SOX1: variants seen among roughly 807,000 people sequenced by gnomAD.
SOX1 encodes the protein transcription factor SOX-1.
SOX1 carries 1 observed loss-of-function variant against 0.9 expected under a neutral mutation model. The ratio of observed to expected loss-of-function variants is 1.07; its 90% CI spans 0.38 to 5.06. SOX1 has a LOEUF of 5.06. Among genes scored for constraint, SOX1 ranks in the 30% most tolerant of loss-of-function variants. SOX1 has a pLI of 0.16. For synonymous variants in SOX1, 397 were observed against 265.5 expected (o/e 1.50, Z -4.81); for missense variants, 564 against 534.4 (o/e 1.06, Z -0.55).
At position 112,067,703 on chromosome 13, in the gene SOX1, C is replaced by G; in HGVS notation, c.45C>G (p.Gly15=). Residue 15 remains glycine, a synonymous_variant, in exon 1 of 1, where the codon GGC becomes GGG. Coordinates refer to ENST00000330949, the MANE Select transcript of SOX1 (RefSeq NM_005986.3). This position sits in a 1 kb window ranked among gnomAD's most constrained non-coding sequence, Gnocchi z 5.1. ...AGACCGACCTGCACTCGCCCGGCGG[C>G]GCCCAGGCCCCCACGAACCTCTCGG... ...MMETDLHSPG[G]AQAPTNLSGP... 7.8e-7 allele frequency: 1 copy of G among 1,277,572 alleles called. No individual in the cohort carries two copies. Among genetic ancestry groups the G allele is most frequent in the Non-Finnish European group, 1.0e-6 (1 of 1,002,900 alleles). 79.1% of individuals were successfully genotyped at this position (1,277,572 alleles called of 1,614,324 possible).
Position 112,067,724 on chromosome 13 carries a change from C to A in SOX1, c.66C>A (p.Leu22=). ...GCGGCGCCCAGGCCCCCACGAACCT[C>A]TCGGGCCCCGCCGGGGCGGGCGGCG... The part of the protein sequence containing the change: ...SPGGAQAPTN[L]SGPAGAGGGG... The change falls in exon 1 of 1, where the codon CTC becomes CTA. Residue 22 remains leucine, a synonymous_variant. Transcript: ENST00000330949. The surrounding 1 kb of genome is among the most constrained non-coding windows in gnomAD (Gnocchi z 5.1). 7.9e-7 allele frequency: 1 copy of A among 1,270,194 alleles called. No homozygotes were observed. The highest frequency in any genetic ancestry group is 1.0e-6 in the Non-Finnish European group (1 of 1,002,586). 78.7% of individuals were successfully genotyped at this position (1,270,194 alleles called of 1,614,324 possible).
Position 112,069,003 on chromosome 13 carries a change from C to T in SOX1, c.*169C>T, listed in dbSNP as rs1192747709. 4 of 445,138 alleles carry T rather than the reference C, an allele frequency of 9.0e-6. No homozygotes were observed. The highest frequency in any genetic ancestry group is 1.4e-5 in the Non-Finnish European group (4 of 282,934). The allele number at this position is 445,138 out of a possible 1,614,324, so 27.6% of individuals were successfully genotyped here. On this transcript the variant is annotated 3_prime_UTR_variant, in exon 1 of 1. Transcript: ENST00000330949. ...CGGGTGACGCGTGTCCCCCACTCAC[C>T]TTCCCCGGAGACCCTGGCGACCGCC...
At position 112,070,864 on chromosome 13, in the gene SOX1, C is replaced by T. The variant is rs1158991886; in HGVS notation, c.*2030C>T. On this transcript the variant is annotated 3_prime_UTR_variant, in exon 1 of 1. Coordinates refer to ENST00000330949, the MANE Select transcript of SOX1 (RefSeq NM_005986.3). ...TTTCTAACAAGATAATAAACCCCCC[C>T]CCTCTTTTCTTTTTCTTTATTTTTA... is the stretch of plus-strand genomic sequence containing the variant. 4.7e-5 allele frequency among the ~76,000 whole-genome samples: 7 copies of T among 149,396 alleles called. No homozygotes were observed. The East Asian group carries it at 1.4e-3, about 29-fold the overall frequency.
chr13:112,067,299 C>T lies in SOX1; in HGVS notation c.-360C>T, dbSNP rs1296794443. The stretch of plus-strand genomic sequence containing the variant: ...ACACCCCGGGCCGGGCCCAGCGCAC[C>T]GCTCCCGGCCCCAAAAGCGGAGCTG... On this transcript the variant is annotated 5_prime_UTR_variant, in exon 1 of 1. Transcript: ENST00000330949. This position sits in a 1 kb window ranked among gnomAD's most constrained non-coding sequence, Gnocchi z 5.1. 2.0e-5 allele frequency among the ~76,000 whole-genome samples: 3 copies of T among 152,146 alleles called. No homozygotes were observed. In the East Asian group the frequency reaches 5.8e-4, roughly 30 times the overall value.
rs183403829 is a variant in SOX1, at chr13:112,069,333, C to T, written c.*499C>T. The T allele has an allele frequency of 6.0e-6, 1 of 167,202 alleles. No individual in the cohort carries two copies. The highest frequency in any genetic ancestry group is 2.4e-5 in the African/African-American group (1 of 41,582). 10.4% of individuals were successfully genotyped at this position (167,202 alleles called of 1,614,324 possible). On this transcript the variant is annotated 3_prime_UTR_variant, in exon 1 of 1. Transcript: ENST00000330949. ...CAAGTTTTTTGTAGTTGTTACCGCT[C>T]TTTTGGGTTGGTTTGTTAATTTATA...
In SOX1 at chr13:112,067,937, C is replaced by T. The variant is rs773796467; in HGVS notation, c.279C>T (p.Ser93=). ...TGGGGGCCGAGTGGAAGGTCATGTC[C>T]GAGGCCGAGAAGCGGCCGTTCATCG... The part of the protein sequence containing the change: ...KRLGAEWKVM[S]EAEKRPFIDE... Residue 93 remains serine, a synonymous_variant, in exon 1 of 1, where the codon TCC becomes TCT. Transcript: ENST00000330949. This position sits in a 1 kb window ranked among gnomAD's most constrained non-coding sequence, Gnocchi z 5.1. 5.0e-6 allele frequency: 8 copies of T among 1,607,446 alleles called. No homozygotes were observed. Among genetic ancestry groups the T allele is most frequent in the Non-Finnish European group, 6.8e-6 (8 of 1,176,608 alleles).
Position 112,068,915 on chromosome 13 carries a change from G to A in SOX1, c.*81G>A. On this transcript the variant is annotated 3_prime_UTR_variant, in exon 1 of 1. Transcript: ENST00000330949. This position sits in a 1 kb window ranked among gnomAD's most constrained non-coding sequence, Gnocchi z 6.9. ...CCCGGCTCCCGCCCCGCCCCGGCGC[G>A]GCGTGGCTTTTGTACAGACGTTCCC... 1 of 1,109,570 alleles carries A rather than the reference G, an allele frequency of 9.0e-7. No homozygotes were observed. Among genetic ancestry groups the A allele is most frequent in the Non-Finnish European group, 1.1e-6 (1 of 884,664 alleles). The allele number at this position is 1,109,570 out of a possible 1,614,324, so 68.7% of individuals were successfully genotyped here. A position where few individuals can be genotyped will look rare whatever the true frequency, so the allele number is the denominator to read the frequency against.
In SOX1 at chr13:112,068,381, CA is replaced by C; in HGVS notation, c.725del (p.Asn242ThrfsTer25). ...HPHHPHAHPH[N>X]PQPMHRYDMG... The stretch of plus-strand genomic sequence containing the variant: ...CGCACCACCCGCACGCGCACCCGCA[CA>C]ACCCGCAGCCCATGCACCGCTACGA... On this transcript the variant is annotated frameshift_variant, in exon 1 of 1. Transcript: ENST00000330949. LOFTEE classifies it low-confidence loss of function (END_TRUNC). The surrounding 1 kb of genome is among the most constrained non-coding windows in gnomAD (Gnocchi z 6.9). 7.8e-7 allele frequency: 1 copy of C among 1,284,426 alleles called. No individual in the cohort carries two copies. 79.6% of individuals were successfully genotyped at this position (1,284,426 alleles called of 1,614,324 possible).
At position 112,068,085 on chromosome 13, in the gene SOX1, G is replaced by A. The variant is rs1300627237; in HGVS notation, c.427G>A (p.Ala143Thr). The A allele has an allele frequency of 1.3e-6, 2 of 1,551,938 alleles. No individual in the cohort carries two copies. Among genetic ancestry groups the A allele is most frequent in the Admixed American group, 3.7e-5 (2 of 53,998 alleles). Residue 143 changes from alanine (A) to threonine (T), a missense_variant, in exon 1 of 1, where the codon GCG (alanine) becomes ACG (threonine). Physicochemically the swap from Ala to Thr is moderately conservative, Grantham distance 58 (BLOSUM62 0). Coordinates refer to ENST00000330949, the MANE Select transcript of SOX1 (RefSeq NM_005986.3). This position sits in a 1 kb window ranked among gnomAD's most constrained non-coding sequence, Gnocchi z 6.9. The part of the protein sequence containing the change: ...DKYSLAGGLL[A>T]AGAGGGGAAV... ...GTACTCGCTGGCCGGCGGGCTCCTG[G>A]CGGCCGGCGCGGGTGGCGGCGGCGC...
chr13:112,069,766 AT>A lies in SOX1; in HGVS notation c.*937del, dbSNP rs3215768. On this transcript the variant is annotated 3_prime_UTR_variant, in exon 1 of 1. Transcript: ENST00000330949. ...GAACCCCGGGGAATGGGAGGACAGG[AT>A]TTTTCAAGGAACCTTTTTCAATGAA... The A allele has an allele frequency of 0.1, 17,521 of 167,088 alleles. 1,037 individuals carry two copies. The highest frequency in any genetic ancestry group is 0.15 in the African/African-American group (6,330 of 41,510). The allele number at this position is 167,088 out of a possible 1,614,324, so 10.4% of individuals were successfully genotyped here.
rs1880776371 is a variant in SOX1, at chr13:112,068,164, G to C, written c.506G>C (p.Arg169Pro). The C allele has an allele frequency of 2.1e-6, 2 of 930,498 alleles. No individual in the cohort carries two copies. Among genetic ancestry groups the C allele is most frequent in the Non-Finnish European group, 1.3e-6 (1 of 770,630 alleles). 57.6% of individuals were successfully genotyped at this position (930,498 alleles called of 1,614,324 possible). Reference protein sequence around the residue: ...VGVGAAAVGQRLESPGGAAGG... With the variant: ...VGVGAAAVGQPLESPGGAAGG... ...GTGGGCGCGGCGGCCGTGGGCCAGC[G>C]CCTGGAGAGCCCAGGCGGCGCGGCG... Residue 169 changes from arginine to proline, a missense_variant, in exon 1 of 1, where the codon CGC becomes CCC. Physicochemically the swap from Arg to Pro is moderately radical, Grantham distance 103. Transcript: ENST00000330949. This position sits in a 1 kb window ranked among gnomAD's most constrained non-coding sequence, Gnocchi z 6.9.
rs532108585 is a variant in SOX1, at chr13:112,071,010, G to C, written c.*2176G>C. 6.6e-6 allele frequency among the ~76,000 whole-genome samples: 1 copy of C among 152,360 alleles called. No individual in the cohort carries two copies. The highest frequency in any genetic ancestry group is 2.1e-4 in the South Asian group (1 of 4,826). On this transcript the variant is annotated 3_prime_UTR_variant, in exon 1 of 1. Transcript: ENST00000330949. ...TAAGGGCCTCCCCAGTCCTCTCCGG[G>C]AGATGATTTGGGAAATTTTATAATG...
Position 112,069,032 on chromosome 13 carries a change from C to G in SOX1, c.*198C>G. 3.1e-6 allele frequency: 1 copy of G among 323,334 alleles called. No homozygotes were observed. 20.0% of individuals were successfully genotyped at this position (323,334 alleles called of 1,614,324 possible). A position where few individuals can be genotyped will look rare whatever the true frequency, so the allele number is the denominator to read the frequency against. On this transcript the variant is annotated 3_prime_UTR_variant, in exon 1 of 1. Coordinates refer to ENST00000330949, the MANE Select transcript of SOX1 (RefSeq NM_005986.3). ...CCCGGAGACCCTGGCGACCGCCGGG[C>G]GCTGACACCAGACTTGGGTTTTAGA...
In SOX1 at chr13:112,069,514, A is replaced by G. The variant is rs1040547697; in HGVS notation, c.*680A>G. The G allele has an allele frequency of 3.0e-5, 5 of 166,958 alleles. No individual in the cohort carries two copies. Among genetic ancestry groups the G allele is most frequent in the Admixed American group, 1.3e-4 (2 of 15,278 alleles). The allele number at this position is 166,958 out of a possible 1,614,324, so 10.3% of individuals were successfully genotyped here. A position where few individuals can be genotyped will look rare whatever the true frequency, so the allele number is the denominator to read the frequency against. On this transcript the variant is annotated 3_prime_UTR_variant, in exon 1 of 1. Transcript: ENST00000330949. ...GAAAAATTTTATTTTCGGCGTTGCA[A>G]TGCGGGGAGGAGAAGTCAGATTATG...
chr13:112,067,692 T>A lies in SOX1; in HGVS notation c.34T>A (p.Ser12Thr). ...CATGATGATGGAGACCGACCTGCAC[T>A]CGCCCGGCGGCGCCCAGGCCCCCAC... ...YSMMMETDLHSPGGAQAPTNL... is the reference protein window; with the variant it reads ...YSMMMETDLHTPGGAQAPTNL... Residue 12 changes from serine to threonine, a missense_variant, in exon 1 of 1, where the codon TCG becomes ACG. Transcript: ENST00000330949. This position sits in a 1 kb window ranked among gnomAD's most constrained non-coding sequence, Gnocchi z 5.1. 7.8e-7 allele frequency: 1 copy of A among 1,274,752 alleles called. No homozygotes were observed. The highest frequency in any genetic ancestry group is 1.0e-6 in the Non-Finnish European group (1 of 1,000,756). The allele number at this position is 1,274,752 out of a possible 1,614,324, so 79.0% of individuals were successfully genotyped here. A position where few individuals can be genotyped will look rare whatever the true frequency, so the allele number is the denominator to read the frequency against.
rs1337979954 is a variant in SOX1, at chr13:112,067,582, T to TC, written c.-75dup. The TC allele has an allele frequency of 2.7e-6, 2 of 748,894 alleles. No individual in the cohort carries two copies. Among genetic ancestry groups the TC allele is most frequent in the African/African-American group, 3.8e-5 (2 of 52,968 alleles). 46.4% of individuals were successfully genotyped at this position (748,894 alleles called of 1,614,324 possible). A position where few individuals can be genotyped will look rare whatever the true frequency, so the allele number is the denominator to read the frequency against. On this transcript the variant is annotated 5_prime_UTR_variant, in exon 1 of 1. Coordinates refer to ENST00000330949, the MANE Select transcript of SOX1 (RefSeq NM_005986.3). The surrounding 1 kb of genome is among the most constrained non-coding windows in gnomAD (Gnocchi z 5.1). ...CCGTCTCACTCCGTCTGAATTCCTC[T>TC]CCGTCTCCCTCCCACCCCGGCCGTC...
In SOX1 at chr13:112,069,140, G is replaced by A. The variant is rs1303546010; in HGVS notation, c.*306G>A. On this transcript the variant is annotated 3_prime_UTR_variant, in exon 1 of 1. Coordinates refer to ENST00000330949, the MANE Select transcript of SOX1 (RefSeq NM_005986.3). ...GCGGAAAGCGTTTTCTTTGCTCGAG[G>A]GGACAAAAAAGTCAAAACGAGGCGA... The A allele has an allele frequency of 5.3e-6, 1 of 187,488 alleles. No homozygotes were observed. The highest frequency in any genetic ancestry group is 1.2e-5 in the Non-Finnish European group (1 of 81,730). The allele number at this position is 187,488 out of a possible 1,614,324, so 11.6% of individuals were successfully genotyped here.
rs573463523 is a variant in SOX1 at position 112,070,200 on chromosome 13, G to C, written c.*1366G>C. On this transcript the variant is annotated 3_prime_UTR_variant, in exon 1 of 1. Coordinates refer to ENST00000330949, the MANE Select transcript of SOX1 (RefSeq NM_005986.3). ...CCCCTCCCCCTGGCTTCTTTCTCTT[G>C]GGAAAACGGGCAAAATAATTGTGCT... is the stretch of plus-strand genomic sequence containing the variant. 1 of 166,972 alleles carries C rather than the reference G, an allele frequency of 6.0e-6. No individual in the cohort carries two copies. The highest frequency in any genetic ancestry group is 1.5e-5 in the Non-Finnish European group (1 of 68,096). 10.3% of individuals were successfully genotyped at this position (166,972 alleles called of 1,614,324 possible).
In SOX1 at chr13:112,068,136, G is replaced by T; in HGVS notation, c.478G>T (p.Gly160Cys). The T allele has an allele frequency of 1.8e-6, 2 of 1,117,508 alleles. No homozygotes were observed. Among genetic ancestry groups the T allele is most frequent in the Non-Finnish European group, 2.2e-6 (2 of 908,606 alleles). The allele number at this position is 1,117,508 out of a possible 1,614,324, so 69.2% of individuals were successfully genotyped here. A position where few individuals can be genotyped will look rare whatever the true frequency, so the allele number is the denominator to read the frequency against. The change falls in exon 1 of 1, where the codon GGC becomes TGC. Residue 160 changes from glycine to cysteine, a missense_variant. Coordinates refer to ENST00000330949, the MANE Select transcript of SOX1 (RefSeq NM_005986.3). The surrounding 1 kb of genome is among the most constrained non-coding windows in gnomAD (Gnocchi z 6.9). ...GGCTGTGGCCATGGGCGTGGGCGTG[G>T]GCGTGGGCGCGGCGGCCGTGGGCCA... ...GAAVAMGVGV[G>C]VGAAAVGQRL...
Sources: gnomAD v4.1 joint callset for allele counts (sites outside exome capture counted in the v4.1 genomes callset) on GRCh38, gnomAD v4.1.1 for gene constraint, Gnocchi (gnomAD v3.1) non-coding constraint, MANE v1.5 for transcripts, NCBI Gene and HGNC (gene_info 2026-07-23, HGNC 2026-07-21) for gene names.